Variants in GDAP2 observed in about 807,000 individuals in gnomAD.
GDAP2 encodes ganglioside-induced differentiation-associated protein 2.
In GDAP2, 51 loss-of-function variants were observed where a neutral mutation model predicts 67.0. That is an observed-to-expected ratio of 0.76 (90% CI 0.61 to 0.96). The LOEUF (loss-of-function observed/expected upper bound fraction) is 0.96. Ranked by LOEUF, GDAP2 falls within the 40% of genes least tolerant of loss-of-function variation. GDAP2 has a pLI of 0.00. For missense variants in GDAP2, 547 were observed against 588.3 expected (o/e 0.93, Z 0.73); for synonymous variants, 203 against 207.3 (o/e 0.98, Z 0.18).
rs1176211097 is a variant in GDAP2 at position 117,865,812 on chromosome 1, T to C, written c.*4757A>G. 6.6e-6 allele frequency: 1 copy of C among 152,186 alleles called. No individual in the cohort carries two copies. Among genetic ancestry groups the C allele is most frequent in the Non-Finnish European group, 1.5e-5 (1 of 68,026 alleles). The allele number at this position is 152,186 out of a possible 1,614,324, so 9.4% of individuals were successfully genotyped here. A position where few individuals can be genotyped will look rare whatever the true frequency, so the allele number is the denominator to read the frequency against. ...TCTTAAAAGTGTAAAAAATAACTAATATACAAGAGAGTCACTAATATCTAA... is the reference window on the plus strand; with the variant it reads ...TCTTAAAAGTGTAAAAAATAACTAACATACAAGAGAGTCACTAATATCTAA... On this transcript the variant is annotated 3_prime_UTR_variant, in exon 14 of 14. Transcript: ENST00000369443.
intron 6 of GDAP2, among the ~76,000 whole-genome samples, chr1:117,903,492 A>AC (rs893346397): frequency 8.6e-4 from 130 of 151,710 alleles, no homozygotes; most frequent in African/African-American, 3.0e-3. Flanking sequence ...AGAGTGTTAC[A>AC]TTTTTTCAAT....
rs1182251126 is a variant in GDAP2 at position 117,864,668 on chromosome 1, T to C, written c.*5901A>G. The stretch of plus-strand genomic sequence containing the variant: ...CATAAAGCATTTATACCTAGTTTTA[T>C]GTTTATATATATTTAGATAACATTA... On this transcript the variant is annotated 3_prime_UTR_variant, in exon 14 of 14. Transcript: ENST00000369443. 6.6e-6 allele frequency: 1 copy of C among 152,182 alleles called. No homozygotes were observed. Among genetic ancestry groups the C allele is most frequent in the Non-Finnish European group, 1.5e-5 (1 of 68,034 alleles). 9.4% of individuals were successfully genotyped at this position (152,182 alleles called of 1,614,324 possible).
chr1:117,929,569 C>T lies in GDAP2; in HGVS notation c.-189G>A, dbSNP rs1012529667. ...GCGCCGAGTACGGCGAGTCAAAGTC[C>T]CAGGAGACTGGAGTGACCAGCTGCA... is the stretch of plus-strand genomic sequence containing the variant. On this transcript the variant is annotated 5_prime_UTR_variant, in exon 1 of 14. Coordinates refer to ENST00000369443, the MANE Select transcript of GDAP2 (RefSeq NM_017686.4). 5 of 152,408 alleles carry T rather than the reference C, an allele frequency of 3.3e-5. No individual in the cohort carries two copies. The highest frequency in any genetic ancestry group is 1.2e-4 in the African/African-American group (5 of 41,466). 9.4% of individuals were successfully genotyped at this position (152,408 alleles called of 1,614,324 possible).
chr1:117,888,322 A>C (rs1027519607), intron 8 of GDAP2, among the ~76,000 whole-genome samples: 2 of 152,164 alleles, frequency 1.3e-5, no homozygotes, highest in African/African-American at 4.8e-5. Context: ...TTATCTGGGA[A>C]GTCCTGGAAT....
chr1:117,870,967 T>C (rs1222106913), intron 13 of GDAP2, among the ~76,000 whole-genome samples: 1 of 152,188 alleles, frequency 6.6e-6, no homozygotes, highest in Non-Finnish European at 1.5e-5. Context: ...ATCACACAGA[T>C]TGCATAATTT....
chr1:117,912,131 C>A, intron 4 of GDAP2, 49 bp from the exon 5 acceptor site: 1 of 1,015,644 alleles, frequency 9.8e-7, no homozygotes, highest in Admixed American at 1.7e-5. Context: ...ATCAGTAATA[C>A]ATACACAACA....
In GDAP2 at chr1:117,870,503, T is replaced by G. The variant is rs1296585563; in HGVS notation, c.*66A>C. ...CTGTACAGCAACAATGAATATCACT[T>G]CAACAGGTAGCTATTCGTGGAGGAA... On this transcript the variant is annotated 3_prime_UTR_variant, in exon 14 of 14. Coordinates refer to ENST00000369443, the MANE Select transcript of GDAP2 (RefSeq NM_017686.4). 1 of 966,812 alleles carries G rather than the reference T, an allele frequency of 1.0e-6. No homozygotes were observed. Among genetic ancestry groups the G allele is most frequent in the African/African-American group, 1.6e-5 (1 of 62,394 alleles). 59.9% of individuals were successfully genotyped at this position (966,812 alleles called of 1,614,324 possible). A position where few individuals can be genotyped will look rare whatever the true frequency, so the allele number is the denominator to read the frequency against.
chr1:117,886,483 C>A (rs1422937373), intron 10 of GDAP2, 94 bp downstream of exon 10: 7 of 731,812 alleles, frequency 9.6e-6, no homozygotes, highest in Non-Finnish European at 1.7e-5. Context: ...ACAATTCAGC[C>A]TTGATTCATA....
chr1:117,927,527 T>C (rs1315426163), intron 1 of GDAP2, among the ~76,000 whole-genome samples: 1 of 152,172 alleles, frequency 6.6e-6, no homozygotes, highest in African/African-American at 2.4e-5. Flanking sequence ...TTGACCGCCA[T>C]TAATTACCGG....
intron 13 of GDAP2, among the ~76,000 whole-genome samples, chr1:117,873,651 G>A (rs778898750): frequency 2.8e-4 from 42 of 152,032 alleles, no homozygotes; most frequent in Non-Finnish European, 4.6e-4. Context: ...AACCTACTGT[G>A]TCACAAACTG....
At chr1:117,903,466 C>A (rs1158744808) in intron 6 of GDAP2, among the ~76,000 whole-genome samples, 2 of 152,124 alleles carry the variant, frequency 1.3e-5, no homozygotes, top group African/African-American at 2.4e-5. Context: ...AGTTTGTTGA[C>A]TGTTTTTATC....
chr1:117,906,475 G>C, intron 6 of GDAP2, 31 bp downstream of exon 6: 1 of 1,141,216 alleles, frequency 8.8e-7, no homozygotes, highest in Admixed American at 2.0e-5. Context: ...ATAGAAATAA[G>C]ATTTAAATAA....
intron 1 of GDAP2, among the ~76,000 whole-genome samples, chr1:117,922,809 G>A (rs1331808587): frequency 6.6e-6 from 1 of 152,262 alleles, no homozygotes; most frequent in Non-Finnish European, 1.5e-5. Context: ...CGCATTGTCA[G>A]GGTTCAAGAG....
chr1:117,905,257 A>T (rs1045920131), intron 6 of GDAP2, among the ~76,000 whole-genome samples: 12 of 152,130 alleles, frequency 7.9e-5, no homozygotes, highest in Non-Finnish European at 1.5e-4. Flanking sequence ...CCCACTGCAT[A>T]ATTAATAAAG....
At chr1:117,902,797 A>T (rs1186150545) in intron 6 of GDAP2, among the ~76,000 whole-genome samples, 1 of 152,162 alleles carries the variant, frequency 6.6e-6, no homozygotes, top group African/African-American at 2.4e-5. Flanking sequence ...TTCTGCAAAA[A>T]ATGAGTTGGG....
chr1:117,884,806 T>C (rs962571560), intron 10 of GDAP2, among the ~76,000 whole-genome samples: 5 of 123,548 alleles, frequency 4.0e-5, no homozygotes, highest in Admixed American at 8.1e-5. Flanking sequence ...CATCAGTTTA[T>C]TCCCTCCGTG....
chr1:117,881,597 A>T (rs890105334), intron 12 of GDAP2, among the ~76,000 whole-genome samples: 3 of 152,132 alleles, frequency 2.0e-5, no homozygotes, highest in African/African-American at 7.2e-5. Context: ...AGAGCACAAA[A>T]ACAGGCAGGG....
intron 6 of GDAP2, among the ~76,000 whole-genome samples, chr1:117,902,401 A>G (rs1336213254): frequency 6.6e-6 from 1 of 152,254 alleles, no homozygotes; most frequent in Middle Eastern, 3.2e-3. Flanking sequence ...GAGGATTTAT[A>G]CCCACACTTT....
chr1:117,908,518 C>T (rs945087309), intron 5 of GDAP2, among the ~76,000 whole-genome samples: 3 of 151,970 alleles, frequency 2.0e-5, no homozygotes, highest in Admixed American at 6.6e-5. Flanking sequence ...TTTTCAAAAA[C>T]GAACTTTCAA....
Sources: allele counts gnomAD v4.1 joint callset (sites outside exome capture counted in the v4.1 genomes callset), GRCh38; gene constraint gnomAD v4.1.1; transcripts MANE v1.5; gene names NCBI Gene and HGNC (gene_info 2026-07-23, HGNC 2026-07-21).